TMEM221: variants seen among roughly 807,000 people sequenced by gnomAD.
TMEM221 encodes Putative transmembrane protein ENSP00000342162.
TMEM221 carries 11 observed loss-of-function variants against 10.2 expected under a neutral mutation model. The observed-to-expected ratio is 1.08, with a 90% confidence interval of 0.68 to 1.79. The LOEUF (loss-of-function observed/expected upper bound fraction) is 1.79. TMEM221 is among the 40% of genes most tolerant of loss of function. The pLI is 0.00. For missense variants in TMEM221, 382 were observed against 417.7 expected (o/e 0.91, Z 0.75); for synonymous variants, 172 against 199.8 (o/e 0.86, Z 1.18).
rs1322892464 is a variant in TMEM221, at chr19:17,436,417, A to G, written c.*41T>C. On this transcript the variant is annotated 3_prime_UTR_variant, in exon 3 of 3. Coordinates refer to ENST00000341130, the MANE Select transcript of TMEM221 (RefSeq NM_001190844.2). ...CTGAACCCGAACCTATCTCTATGGT[A>G]TCCTTTTCTTACACCAGGTCTCTAT... 4 of 1,442,848 alleles carry G rather than the reference A, an allele frequency of 2.8e-6. No individual in the cohort carries two copies. Among genetic ancestry groups the G allele is most frequent in the Admixed American group, 2.4e-5 (1 of 41,982 alleles). The allele number at this position is 1,442,848 out of a possible 1,614,324, so 89.4% of individuals were successfully genotyped here. A position where few individuals can be genotyped will look rare whatever the true frequency, so the allele number is the denominator to read the frequency against.
In TMEM221 at chr19:17,436,943, A is replaced by C; in HGVS notation, c.407-16T>G. The stretch of plus-strand genomic sequence containing the variant: ...ATGGACAGTGCTAGGGAAGGAAACG[A>C]CTCTCATTTATTCAGTCAACAAACA... On this transcript the variant is annotated splice_polypyrimidine_tract_variant and intron_variant, in intron 2 of 2. Coordinates refer to ENST00000341130, the MANE Select transcript of TMEM221 (RefSeq NM_001190844.2). 4 of 1,378,474 alleles carry C rather than the reference A, an allele frequency of 2.9e-6. No homozygotes were observed. The highest frequency in any genetic ancestry group is 3.3e-5 in the Admixed American group (1 of 30,766). 85.4% of individuals were successfully genotyped at this position (1,378,474 alleles called of 1,614,324 possible).
At chr19:17,446,465 A>C (rs911381354) in intron 1 of TMEM221, among the ~76,000 whole-genome samples, 2 of 152,096 alleles carry the variant, frequency 1.3e-5, no homozygotes, top group African/African-American at 4.8e-5. Flanking sequence ...ATTGAGGAGG[A>C]AGTGGAGGCT....
rs535469448 is a variant in TMEM221, at chr19:17,448,165, C to A, written c.298G>T (p.Ala100Ser). 1 of 1,427,212 alleles carries A rather than the reference C, an allele frequency of 7.0e-7. No individual in the cohort carries two copies. 88.4% of individuals were successfully genotyped at this position (1,427,212 alleles called of 1,614,324 possible). A position where few individuals can be genotyped will look rare whatever the true frequency, so the allele number is the denominator to read the frequency against. The change falls in exon 1 of 3, where the codon GCG becomes TCG. Residue 100 changes from alanine (A) to serine (S), a missense_variant. By Grantham distance (99) the Ala-to-Ser change is moderately conservative (BLOSUM62 1). Coordinates refer to ENST00000341130, the MANE Select transcript of TMEM221 (RefSeq NM_001190844.2). The surrounding 1 kb of genome is among the most constrained non-coding windows in gnomAD (Gnocchi z 4.7). ...ALCGHLGAEL[A>S]RGPGPRRSDW... ...TACCTCCTGGGGCCAGGCCCCCGCG[C>A]CAGCTCGGCGCCCAGGTGGCCACAG...
At chr19:17,446,169 C>T (rs1248785703) in intron 1 of TMEM221, among the ~76,000 whole-genome samples, 1 of 151,078 alleles carries the variant, frequency 6.6e-6, no homozygotes, top group Non-Finnish European at 1.5e-5. Context: ...CTTCCATTCA[C>T]TATCCATCCA....
chr19:17,444,580 G>A (rs867381779), intron 2 of TMEM221, among the ~76,000 whole-genome samples: 1 of 134,792 alleles, frequency 7.4e-6, no homozygotes, highest in African/African-American at 2.8e-5. Context: ...CTGGAGTGCA[G>A]TGCAGTGGGG....
intron 2 of TMEM221, among the ~76,000 whole-genome samples, chr19:17,437,416 C>G (rs1247657133): frequency 1.3e-5 from 2 of 152,066 alleles, no homozygotes; most frequent in Non-Finnish European, 1.5e-5. Flanking sequence ...CAAGAGTGTC[C>G]GAGGCTCAGA....
In TMEM221 at chr19:17,448,665, T is replaced by C; in HGVS notation, c.-203A>G. 2.7e-6 allele frequency: 1 copy of C among 371,452 alleles called. No individual in the cohort carries two copies. Among genetic ancestry groups the C allele is most frequent in the Non-Finnish European group, 4.8e-6 (1 of 207,748 alleles). The allele number at this position is 371,452 out of a possible 1,614,324, so 23.0% of individuals were successfully genotyped here. A position where few individuals can be genotyped will look rare whatever the true frequency, so the allele number is the denominator to read the frequency against. ...TGCTGGTCGCAGCCGGGACGCCGAA[T>C]CTCCGCGAAAACTTGGGACAAAGTC... On this transcript the variant is annotated 5_prime_UTR_variant, in exon 1 of 3. Transcript: ENST00000341130. The surrounding 1 kb of genome is among the most constrained non-coding windows in gnomAD (Gnocchi z 4.7).
chr19:17,437,494 G>C (rs2074914180), intron 2 of TMEM221, among the ~76,000 whole-genome samples: 2 of 152,208 alleles, frequency 1.3e-5, no homozygotes, highest in African/African-American at 4.8e-5. Flanking sequence ...TTGGGAGGCT[G>C]AGGCAGGTGG....
At chr19:17,438,919 C>T (rs1404446607) in intron 2 of TMEM221, among the ~76,000 whole-genome samples, 1 of 148,738 alleles carries the variant, frequency 6.7e-6, no homozygotes, top group African/African-American at 2.4e-5. Context: ...TCTTAAGAAG[C>T]CTCCCTTGCC....
At chr19:17,437,877 T>C (rs1394838147) in intron 2 of TMEM221, among the ~76,000 whole-genome samples, 2 of 150,958 alleles carry the variant, frequency 1.3e-5, no homozygotes, top group African/African-American at 4.9e-5. Flanking sequence ...GTCTTCTCCT[T>C]CTTCTCCTTC....
In TMEM221 at chr19:17,448,144, T is replaced by A; in HGVS notation, c.319A>T (p.Arg107Trp). 7.2e-7 allele frequency: 1 copy of A among 1,397,520 alleles called. No homozygotes were observed. The highest frequency in any genetic ancestry group is 9.3e-7 in the Non-Finnish European group (1 of 1,080,320). 86.6% of individuals were successfully genotyped at this position (1,397,520 alleles called of 1,614,324 possible). ...AELARGPGPR[R>W]SDWFLYDCRL... The stretch of plus-strand genomic sequence containing the variant: ...AGGCGGTGAGGCCAGTCCTCCTACC[T>A]CCTGGGGCCAGGCCCCCGCGCCAGC... Residue 107 changes from arginine to tryptophan, a missense_variant and splice_region_variant, in exon 1 of 3, where the codon AGG becomes TGG. Coordinates refer to ENST00000341130, the MANE Select transcript of TMEM221 (RefSeq NM_001190844.2). This position sits in a 1 kb window ranked among gnomAD's most constrained non-coding sequence, Gnocchi z 4.7.
At position 17,448,468 on chromosome 19, in the gene TMEM221, G is replaced by A. The variant is rs576991388; in HGVS notation, c.-6C>T. On this transcript the variant is annotated 5_prime_UTR_variant, in exon 1 of 3. Coordinates refer to ENST00000341130, the MANE Select transcript of TMEM221 (RefSeq NM_001190844.2). The surrounding 1 kb of genome is among the most constrained non-coding windows in gnomAD (Gnocchi z 4.7). Reference sequence around the variant, plus strand: ...CCGCCGTAAGAACGGGCCATGGCGGGGGTTCCTGCGGGCCGGGGGAAGAGT... The same window carrying A: ...CCGCCGTAAGAACGGGCCATGGCGGAGGTTCCTGCGGGCCGGGGGAAGAGT... The A allele has an allele frequency of 1.2e-4, 175 of 1,469,852 alleles. No homozygotes were observed. In the African/African-American group the frequency reaches 2.4e-3, roughly 20 times the overall value. 91.1% of individuals were successfully genotyped at this position (1,469,852 alleles called of 1,614,324 possible). A position where few individuals can be genotyped will look rare whatever the true frequency, so the allele number is the denominator to read the frequency against.
Position 17,448,597 on chromosome 19 carries a change from G to T in TMEM221, c.-135C>A. 1.7e-6 allele frequency: 1 copy of T among 603,736 alleles called. No homozygotes were observed. The highest frequency in any genetic ancestry group is 3.7e-5 in the East Asian group (1 of 26,974). 37.4% of individuals were successfully genotyped at this position (603,736 alleles called of 1,614,324 possible). Reference sequence around the variant, plus strand: ...GGCCGCAGGGAGTGTCTGAAAGTTCGGGGACTGGGCTGGGGGTCGCCAGAC... The same window carrying T: ...GGCCGCAGGGAGTGTCTGAAAGTTCTGGGACTGGGCTGGGGGTCGCCAGAC... On this transcript the variant is annotated 5_prime_UTR_variant, in exon 1 of 3. Transcript: ENST00000341130. This position sits in a 1 kb window ranked among gnomAD's most constrained non-coding sequence, Gnocchi z 4.7.
At position 17,448,164 on chromosome 19, in the gene TMEM221, G is replaced by T. The variant is rs2074959719; in HGVS notation, c.299C>A (p.Ala100Glu). ...CTACCTCCTGGGGCCAGGCCCCCGC[G>T]CCAGCTCGGCGCCCAGGTGGCCACA... is the stretch of plus-strand genomic sequence containing the variant. ...ALCGHLGAEL[A>E]RGPGPRRSDW... The change falls in exon 1 of 3, where the codon GCG becomes GAG. Residue 100 changes from alanine (A) to glutamate (E), a missense_variant. Ala to Glu is a moderately radical substitution (Grantham distance 107). Coordinates refer to ENST00000341130, the MANE Select transcript of TMEM221 (RefSeq NM_001190844.2). The surrounding 1 kb of genome is among the most constrained non-coding windows in gnomAD (Gnocchi z 4.7). The T allele has an allele frequency of 3.5e-6, 5 of 1,424,734 alleles. No individual in the cohort carries two copies. The highest frequency in any genetic ancestry group is 3.0e-5 in the African/African-American group (2 of 66,952). 88.3% of individuals were successfully genotyped at this position (1,424,734 alleles called of 1,614,324 possible).
rs2074911953 is a variant in TMEM221, at chr19:17,436,896, C to T, written c.438G>A (p.Glu146=). The T allele has an allele frequency of 1.4e-6, 2 of 1,432,504 alleles. No homozygotes were observed. The highest frequency in any genetic ancestry group is 2.5e-5 in the East Asian group (1 of 39,812). The allele number at this position is 1,432,504 out of a possible 1,614,324, so 88.7% of individuals were successfully genotyped here. ...AAGCAGCTGCTGCGCCTGTCTCGATCTCGAAAAGTAGCAAGGCATAGATGG... is the reference window on the plus strand; with the variant it reads ...AAGCAGCTGCTGCGCCTGTCTCGATTTCGAAAAGTAGCAAGGCATAGATGG... ...ALSIYALLLF[E]IETGAAAASI... Residue 146 remains glutamate (E), a synonymous_variant, in exon 3 of 3, where the codon GAG becomes GAA. Coordinates refer to ENST00000341130, the MANE Select transcript of TMEM221 (RefSeq NM_001190844.2).
intron 2 of TMEM221, chr19:17,444,796 T>TTATATATATA (rs371520559): frequency 8.5e-5 from 11 of 129,424 alleles, no homozygotes; most frequent in African/African-American, 2.8e-4. Flanking sequence ...TAAATATATA[T>TTATATATATA]TATATATATA....
Position 17,436,598 on chromosome 19 carries a change from A to G in TMEM221, c.736T>C (p.Trp246Arg). ...ATAPAALEGG[W>R]ESSLPASRMH... ...CTGGATGCAGGCAGGCTGCTCTCCC[A>G]GCCTCCCTCCAGGGCTGCAGGTGCT... The change falls in exon 3 of 3, where the codon TGG (tryptophan) becomes CGG (arginine). Residue 246 changes from tryptophan (W) to arginine (R), a missense_variant. Trp to Arg is a moderately radical substitution (Grantham distance 101). Transcript: ENST00000341130. The G allele has an allele frequency of 6.5e-7, 1 of 1,536,028 alleles. No homozygotes were observed. Among genetic ancestry groups the G allele is most frequent in the Non-Finnish European group, 8.7e-7 (1 of 1,146,890 alleles).
rs1274806641 is a variant in TMEM221, at chr19:17,436,299, C to G, written c.*159G>C. 1 of 684,894 alleles carries G rather than the reference C, an allele frequency of 1.5e-6. No individual in the cohort carries two copies. The highest frequency in any genetic ancestry group is 1.8e-5 in the African/African-American group (1 of 55,252). The allele number at this position is 684,894 out of a possible 1,614,324, so 42.4% of individuals were successfully genotyped here. A position where few individuals can be genotyped will look rare whatever the true frequency, so the allele number is the denominator to read the frequency against. ...GAATGAGGAGGTGAAGGCTGGAGCT[C>G]TGGCAATTATTTTGTGCCACGAGGC... On this transcript the variant is annotated 3_prime_UTR_variant, in exon 3 of 3. Coordinates refer to ENST00000341130, the MANE Select transcript of TMEM221 (RefSeq NM_001190844.2).
chr19:17,448,303 C>T lies in TMEM221; in HGVS notation c.160G>A (p.Gly54Ser). The change falls in exon 1 of 3, where the codon GGC becomes AGC. Residue 54 changes from glycine (G) to serine (S), a missense_variant. Transcript: ENST00000341130. The surrounding 1 kb of genome is among the most constrained non-coding windows in gnomAD (Gnocchi z 4.7). ...TCCTCTGGCAGCCCGGGGCCGGCGC[C>T]CAGCTCCTGGCCCAGCCCCTCGGCG... ...LRAEGLGQEL[G>S]AGPGLPEDAA... 8.2e-7 allele frequency: 1 copy of T among 1,220,164 alleles called. No individual in the cohort carries two copies. The highest frequency in any genetic ancestry group is 1.6e-5 in the African/African-American group (1 of 63,058). The allele number at this position is 1,220,164 out of a possible 1,614,324, so 75.6% of individuals were successfully genotyped here.
Sources: gnomAD v4.1 joint callset for allele counts (sites outside exome capture counted in the v4.1 genomes callset) on GRCh38, gnomAD v4.1.1 for gene constraint, Gnocchi (gnomAD v3.1) non-coding constraint, MANE v1.5 for transcripts, NCBI Gene and HGNC (gene_info 2026-07-23, HGNC 2026-07-21) for gene names.